Variants in RBM6 observed in about 807,000 individuals in gnomAD.
The protein encoded by RBM6 is RNA binding motif protein 6.
A neutral mutation model predicts 140.4 loss-of-function variants in RBM6; 23 were observed. The observed-to-expected ratio is 0.16, with a 90% CI of 0.12 to 0.23. The LOEUF is 0.23. Among genes scored for constraint, RBM6 ranks in the 10% least tolerant of loss-of-function variants. The pLI is 1.00. For missense variants in RBM6, 1,139 were observed against 1,386.7 expected, an observed-to-expected ratio of 0.82 and a Z score of 2.84; for synonymous variants, 439 against 475.6, an observed-to-expected ratio of 0.92 and a Z score of 1.00.
chr3:49,968,869 T>G, intron 3 of RBM6, 121 bp downstream of exon 3: 2 of 1,244,554 alleles, frequency 1.6e-6, no homozygotes, highest in Non-Finnish European at 2.1e-6. Flanking sequence ...AAGCTCCGCC[T>G]CCTGGGTTCA....
At chr3:50,068,278 C>G (rs953583471) in intron 17 of RBM6, among the ~76,000 whole-genome samples, 4 of 152,180 alleles carry the variant, frequency 2.6e-5, no homozygotes, top group African/African-American at 9.7e-5. Context: ...ATTTGCAACT[C>G]TCAGAGCAGT....
chr3:49,941,706 C>T (rs895094187), intron 1 of RBM6, among the ~76,000 whole-genome samples: 1 of 145,452 alleles, frequency 6.9e-6, no homozygotes, highest in Non-Finnish European at 1.5e-5. Context: ...ATAGTAGAGG[C>T]AGCGTTTCGC....
Position 50,065,062 on chromosome 3 carries a change from C to T in RBM6, c.2618C>T (p.Pro873Leu). ...GAAAATGCCAGTGAAGGGAAGGCCC[C>T]TGCAGAAGACGTCTTTAAGAAGCCC... Reference protein sequence around the residue: ...FQENASEGKAPAEDVFKKPLP... With the variant: ...FQENASEGKALAEDVFKKPLP... The change falls in exon 16 of 21, where the codon CCT (proline) becomes CTT (leucine). Residue 873 changes from proline (P) to leucine (L), a missense_variant. Coordinates refer to ENST00000266022, the MANE Select transcript of RBM6 (RefSeq NM_005777.3). 1 of 1,613,966 alleles carries T rather than the reference C, an allele frequency of 6.2e-7. No individual in the cohort carries two copies. The highest frequency in any genetic ancestry group is 1.1e-5 in the South Asian group (1 of 91,064).
At chr3:50,030,177 C>T (rs2088066940) in intron 6 of RBM6, among the ~76,000 whole-genome samples, 1 of 135,410 alleles carries the variant, frequency 7.4e-6, no homozygotes, top group East Asian at 2.3e-4. Flanking sequence ...GTGGGTGGGG[C>T]GGGGGTGAGG....
At chr3:49,975,418 C>G (rs2085020923) in intron 5 of RBM6, 26 bp downstream of exon 5, 5 of 1,570,622 alleles carry the variant, frequency 3.2e-6, no homozygotes, top group African/African-American at 1.4e-5. Context: ...TGCATATGGC[C>G]TTGGGTTAGG....
At chr3:49,993,798 T>C (rs1245851294) in intron 5 of RBM6, among the ~76,000 whole-genome samples, 2 of 152,088 alleles carry the variant, frequency 1.3e-5, no homozygotes, top group Non-Finnish European at 2.9e-5. Flanking sequence ...CAGTTGCTCA[T>C]GCCTAATAAT....
At chr3:49,976,692 A>G (rs1263840969) in intron 5 of RBM6, among the ~76,000 whole-genome samples, 1 of 152,198 alleles carries the variant, frequency 6.6e-6, no homozygotes, top group African/African-American at 2.4e-5. Flanking sequence ...ATGTCTTAAT[A>G]TTTAAATAGC....
chr3:49,959,058 G>T (rs1295810547), intron 1 of RBM6, among the ~76,000 whole-genome samples: 1 of 152,046 alleles, frequency 6.6e-6, no homozygotes, highest in East Asian at 1.9e-4. Flanking sequence ...CTCCCAAAGT[G>T]CTGGGATTAC....
intron 5 of RBM6, among the ~76,000 whole-genome samples, chr3:49,988,025 C>T (rs2085646144): frequency 6.6e-6 from 1 of 152,154 alleles, no homozygotes; most frequent in Non-Finnish European, 1.5e-5. Context: ...TCAAAATATA[C>T]TTTGGTAATC....
At chr3:50,042,850 C>T (rs1055508013) in intron 6 of RBM6, among the ~76,000 whole-genome samples, 3 of 152,044 alleles carry the variant, frequency 2.0e-5, no homozygotes, top group Non-Finnish European at 2.9e-5. Flanking sequence ...TTCTGACAGG[C>T]AGTCACAAAA....
intron 15 of RBM6, among the ~76,000 whole-genome samples, chr3:50,062,850 C>T (rs1202574594): frequency 6.6e-6 from 1 of 151,148 alleles, no homozygotes; most frequent in Admixed American, 6.6e-5. Context: ...TTCTTCATCT[C>T]TCCTACATTA....
At chr3:50,076,730 AC>A (rs1223531538) in intron 20 of RBM6, among the ~76,000 whole-genome samples, 1 of 151,950 alleles carries the variant, frequency 6.6e-6, no homozygotes, top group African/African-American at 2.4e-5. Context: ...TACTAAAAAT[AC>A]AAAAATTAGC....
chr3:49,972,949 G>A (rs554125209), intron 4 of RBM6, among the ~76,000 whole-genome samples: 1 of 151,998 alleles, frequency 6.6e-6, no homozygotes, highest in South Asian at 2.1e-4. Flanking sequence ...TCCTGCCGCA[G>A]CCTCCCGAGT....
Position 49,968,158 on chromosome 3 carries a change from C to T in RBM6, c.733C>T (p.Leu245=), listed in dbSNP as rs779320892. The T allele has an allele frequency of 3.1e-6, 5 of 1,613,952 alleles. No homozygotes were observed. The highest frequency in any genetic ancestry group is 4.2e-6 in the Non-Finnish European group (5 of 1,180,030). The change falls in exon 3 of 21, where the codon CTA becomes TTA. Residue 245 remains leucine, a synonymous_variant. Transcript: ENST00000266022. ...AGGCCGAGGTTCAGGTACTACTGAT[C>T]TAGACTTTAGGGACAGGGATACGCC... ...FRGRGSGTTD[L]DFRDRDTPHS...
intron 6 of RBM6, among the ~76,000 whole-genome samples, chr3:50,024,651 C>G (rs576937524): frequency 4.2e-4 from 64 of 152,180 alleles, no homozygotes; most frequent in Middle Eastern, 3.4e-3. Context: ...AACCACCACC[C>G]GAATGAAAAA....
chr3:50,062,920 G>GTCT (rs1346135044), intron 15 of RBM6, among the ~76,000 whole-genome samples: 1 of 122,814 alleles, frequency 8.1e-6, no homozygotes, highest in African/African-American at 3.1e-5. Flanking sequence ...CTGAGACAAA[G>GTCT]TCTTCCTCTG....
intron 7 of RBM6, 104 bp downstream of exon 7, chr3:50,048,423 C>T (rs2089315625): frequency 6.6e-7 from 1 of 1,505,446 alleles, no homozygotes; most frequent in South Asian, 1.3e-5. Context: ...AAGGACAAAG[C>T]TCTTCTTCCT....
intron 19 of RBM6, among the ~76,000 whole-genome samples, chr3:50,072,355 A>T (rs1279100686): frequency 6.6e-6 from 1 of 151,668 alleles, no homozygotes; most frequent in Non-Finnish European, 1.5e-5. Context: ...GGTTGCAGTG[A>T]GCCAAGATTG....
intron 5 of RBM6, among the ~76,000 whole-genome samples, chr3:49,998,079 A>G (rs2086164549): frequency 6.6e-6 from 1 of 152,244 alleles, no homozygotes; most frequent in East Asian, 1.9e-4. Context: ...ACTCAAAACA[A>G]GAATCAACCT....
Sources: allele counts gnomAD v4.1 joint callset (sites outside exome capture counted in the v4.1 genomes callset), GRCh38; gene constraint gnomAD v4.1.1; transcripts MANE v1.5; gene names NCBI Gene and HGNC (gene_info 2026-07-23, HGNC 2026-07-21).